ADAM18: variants seen among roughly 807,000 people sequenced by gnomAD.
ADAM18 encodes disintegrin and metalloproteinase domain-containing protein 18.
ADAM18 carries 117 observed loss-of-function variants against 94.4 expected under a neutral mutation model. The observed-to-expected ratio is 1.24, with a 90% CI of 1.07 to 1.45. The LOEUF (loss-of-function observed/expected upper bound fraction) is 1.45, where lower values mean the gene tolerates loss of function less well. Among genes scored for constraint, ADAM18 ranks in the 40% most tolerant of loss-of-function variants. The pLI is 0.00. For missense variants in ADAM18, 936 were observed against 880.0 expected, an observed-to-expected ratio of 1.06 and a Z score of -0.81; for synonymous variants, 327 against 291.6, an observed-to-expected ratio of 1.12 and a Z score of -1.24.
chr8:39,673,856 A>T (rs1181966636), intron 14 of ADAM18, among the ~76,000 whole-genome samples: 1 of 152,074 alleles, frequency 6.6e-6, no homozygotes, highest in African/African-American at 2.4e-5. Context: ...GAACATCTTT[A>T]TTTCTGCCTT....
chr8:39,672,226 G>A (rs1455530736), intron 14 of ADAM18, among the ~76,000 whole-genome samples: 3 of 152,108 alleles, frequency 2.0e-5, no homozygotes, highest in Non-Finnish European at 4.4e-5. Flanking sequence ...GAAAGCCCAA[G>A]GCCATAAGGA....
chr8:39,671,488 G>A (rs1333175705), intron 14 of ADAM18, among the ~76,000 whole-genome samples: 1 of 152,200 alleles, frequency 6.6e-6, no homozygotes, highest in Non-Finnish European at 1.5e-5. Flanking sequence ...AGGTTAGAGA[G>A]AGATGAGGAA....
intron 18 of ADAM18, among the ~76,000 whole-genome samples, chr8:39,716,066 A>T (rs961955362): frequency 6.6e-6 from 1 of 151,680 alleles, no homozygotes; most frequent in African/African-American, 2.4e-5. Flanking sequence ...TTCATTCCTG[A>T]TTTTATTTAT....
At chr8:39,655,999 G>A (rs1820671859) in intron 12 of ADAM18, among the ~76,000 whole-genome samples, 3 of 151,960 alleles carry the variant, frequency 2.0e-5, no homozygotes, top group Admixed American at 2.0e-4. Flanking sequence ...GCAAGGATAT[G>A]TCATGTTTTA....
chr8:39,613,489 G>C (rs13275457), intron 6 of ADAM18, among the ~76,000 whole-genome samples: 9,938 of 152,150 alleles, frequency 0.065, 394 homozygotes, highest in South Asian at 0.14. Context: ...CCACCCAAAG[G>C]ACAAAAACTT....
At chr8:39,678,289 T>C (rs1821350838) in intron 15 of ADAM18, among the ~76,000 whole-genome samples, 1 of 152,204 alleles carries the variant, frequency 6.6e-6, no homozygotes, top group Admixed American at 6.5e-5. Flanking sequence ...ATCAGTATTG[T>C]TCAAAGCAAT....
chr8:39,711,627 A>G (rs564651086), intron 18 of ADAM18, among the ~76,000 whole-genome samples: 3 of 152,258 alleles, frequency 2.0e-5, no homozygotes, highest in East Asian at 1.9e-4. Flanking sequence ...AAAATTCACT[A>G]CAAGGGTTTA....
At chr8:39,631,610 G>A (rs1045694427) in intron 7 of ADAM18, among the ~76,000 whole-genome samples, 1 of 151,762 alleles carries the variant, frequency 6.6e-6, no homozygotes, top group Non-Finnish European at 1.5e-5. Flanking sequence ...AATTTATTTG[G>A]TTTTGTCCTT....
At chr8:39,697,392 G>T (rs1821954261) in intron 17 of ADAM18, among the ~76,000 whole-genome samples, 1 of 151,148 alleles carries the variant, frequency 6.6e-6, no homozygotes. Context: ...CTAAAATTTT[G>T]CTGTATAACA....
chr8:39,638,307 T>G (rs1435263796), intron 9 of ADAM18, among the ~76,000 whole-genome samples, 158 bp from the exon 10 acceptor site: 1 of 151,728 alleles, frequency 6.6e-6, no homozygotes, highest in Non-Finnish European at 1.5e-5. Context: ...GTATTTAGTA[T>G]TTAGTATTTT....
At position 39,723,794 on chromosome 8, in the gene ADAM18, G is replaced by T. The variant is rs1376311093; in HGVS notation, c.2064G>T (p.Trp688Cys). The T allele has an allele frequency of 1.3e-6, 2 of 1,585,318 alleles. No individual in the cohort carries two copies. Among genetic ancestry groups the T allele is most frequent in the Non-Finnish European group, 1.7e-6 (2 of 1,166,410 alleles). Residue 688 changes from tryptophan (W) to cysteine (C), a missense_variant, in exon 19 of 20, where the codon TGG becomes TGT. By Grantham distance (215) the Trp-to-Cys change is radical. Coordinates refer to ENST00000265707, the MANE Select transcript of ADAM18 (RefSeq NM_014237.3). Reference sequence around the variant, plus strand: ...GCTACAATACACACTGGAACAACTGGTTTATTCTGAGTTTCTGCATTTTTC... The same window carrying T: ...GCTACAATACACACTGGAACAACTGTTTTATTCTGAGTTTCTGCATTTTTC... ...EKGYNTHWNN[W>C]FILSFCIFLP...
intron 2 of ADAM18, among the ~76,000 whole-genome samples, chr8:39,586,643 C>T (rs1818401043): frequency 1.3e-5 from 2 of 152,142 alleles, no homozygotes; most frequent in Non-Finnish European, 2.9e-5. Context: ...GGGAGTACCC[C>T]TTGAGCCCAG....
chr8:39,676,045 A>T lies in ADAM18; in HGVS notation c.1526-1386A>T, dbSNP rs1212082829. 2.0e-5 allele frequency among the ~76,000 whole-genome samples: 3 copies of T among 152,124 alleles called. No individual in the cohort carries two copies. The East Asian group carries it at 5.8e-4, about 29-fold the overall frequency. ...TCATCCCAGAGGGGCAGCCGCCTAT[A>T]TGAAGTGTCTGTTGGCCCCTTCTGG... On this transcript the variant is annotated intron_variant, in intron 14 of 19. Coordinates refer to ENST00000265707, the MANE Select transcript of ADAM18 (RefSeq NM_014237.3).
At chr8:39,664,855 G>T (rs1344236062) in intron 13 of ADAM18, among the ~76,000 whole-genome samples, 1 of 152,020 alleles carries the variant, frequency 6.6e-6, no homozygotes, top group Admixed American at 6.6e-5. Flanking sequence ...AAGAAAACAA[G>T]TTCCTTAGTA....
intron 16 of ADAM18, among the ~76,000 whole-genome samples, chr8:39,681,265 C>A (rs1447775586): frequency 6.6e-6 from 1 of 152,144 alleles, no homozygotes; most frequent in Non-Finnish European, 1.5e-5. Flanking sequence ...AATTGTGGGA[C>A]AGTGAAAATC....
intron 15 of ADAM18, among the ~76,000 whole-genome samples, chr8:39,677,826 T>G (rs1821340509): frequency 6.6e-6 from 1 of 152,208 alleles, no homozygotes; most frequent in Non-Finnish European, 1.5e-5. Flanking sequence ...AAATGAAGTT[T>G]TGTATTAAGT....
chr8:39,668,292 A>T (rs1821052052), intron 14 of ADAM18, 96 bp downstream of exon 14: 3 of 1,166,682 alleles, frequency 2.6e-6, no homozygotes, highest in Admixed American at 2.2e-5. Flanking sequence ...GAAGAAACTG[A>T]ACCACAAGAT....
At chr8:39,648,148 A>G (rs1820435822) in intron 11 of ADAM18, among the ~76,000 whole-genome samples, 196 bp from the exon 12 acceptor site, 1 of 152,244 alleles carries the variant, frequency 6.6e-6, no homozygotes, top group Non-Finnish European at 1.5e-5. Flanking sequence ...ATGAGAAAAT[A>G]GGTTTTTAAT....
At chr8:39,593,295 A>T (rs951679528) in intron 2 of ADAM18, among the ~76,000 whole-genome samples, 1 of 152,116 alleles carries the variant, frequency 6.6e-6, no homozygotes, top group African/African-American at 2.4e-5. Context: ...TTCTTGAGTA[A>T]TGTTGCTAAA....
Sources: gnomAD v4.1 joint callset for allele counts (sites outside exome capture counted in the v4.1 genomes callset) on GRCh38, gnomAD v4.1.1 for gene constraint, MANE v1.5 for transcripts, NCBI Gene and HGNC (gene_info 2026-07-23, HGNC 2026-07-21) for gene names.